Variants in ARHGAP24 observed in about 807,000 individuals in gnomAD.
ARHGAP24 encodes rho GTPase-activating protein 24.
ARHGAP24 carries 50 observed loss-of-function variants against 76.4 expected under a neutral mutation model. That is an observed-to-expected ratio of 0.65 (90% CI 0.52 to 0.83). ARHGAP24 has a LOEUF of 0.83. Ranked by LOEUF, ARHGAP24 falls within the 40% of genes least tolerant of loss-of-function variation. The pLI, the probability that ARHGAP24 is intolerant of heterozygous loss-of-function variation, is 0.00. For missense variants in ARHGAP24, 930 were observed against 914.2 expected (o/e 1.02, Z -0.22); for synonymous variants, 345 against 323.3 (o/e 1.07, Z -0.72).
intron 3 of ARHGAP24, among the ~76,000 whole-genome samples, chr4:85,781,152 A>T (rs531871972): frequency 6.6e-6 from 1 of 152,366 alleles, no homozygotes; most frequent in East Asian, 1.9e-4. Flanking sequence ...AACAATGAAT[A>T]AGGCAAGATT....
chr4:85,570,442 T>C (rs1315994376), intron 1 of ARHGAP24, 80 bp from the exon 2 acceptor site: 2 of 848,638 alleles, frequency 2.4e-6, no homozygotes, highest in South Asian at 1.8e-5. Context: ...TTTTTTTTTT[T>C]CTGGAGAAGA....
intron 6 of ARHGAP24, among the ~76,000 whole-genome samples, chr4:85,973,830 A>ATTATTTTT (rs1578452367): frequency 2.7e-5 from 1 of 36,966 alleles, no homozygotes; most frequent in African/African-American, 1.6e-4. Flanking sequence ...ACTGCTGCCT[A>ATTATTTTT]TTGTTTTTTT....
chr4:85,736,287 A>G (rs890798853), intron 3 of ARHGAP24, among the ~76,000 whole-genome samples: 4 of 152,242 alleles, frequency 2.6e-5, no homozygotes, highest in African/African-American at 7.2e-5. Flanking sequence ...CATGAGAGCT[A>G]GAACTTTGTT....
chr4:85,857,197 G>A (rs770623839), intron 3 of ARHGAP24, among the ~76,000 whole-genome samples: 1 of 152,208 alleles, frequency 6.6e-6, no homozygotes, highest in Non-Finnish European at 1.5e-5. Context: ...GATCTTCAGA[G>A]CAGGGTAATG....
intron 3 of ARHGAP24, among the ~76,000 whole-genome samples, chr4:85,812,798 C>A (rs984643216): frequency 1.3e-5 from 2 of 152,156 alleles, no homozygotes; most frequent in African/African-American, 4.8e-5. Flanking sequence ...AGGCTGGATT[C>A]TTCAAAAGAC....
At chr4:85,512,119 G>T (rs1724310414) in intron 1 of ARHGAP24, among the ~76,000 whole-genome samples, 1 of 152,166 alleles carries the variant, frequency 6.6e-6, no homozygotes, top group Non-Finnish European at 1.5e-5. Context: ...GGACTTCAAT[G>T]TATCTTTTGA....
At chr4:85,564,187 C>T (rs957140101) in intron 1 of ARHGAP24, among the ~76,000 whole-genome samples, 6 of 152,026 alleles carry the variant, frequency 3.9e-5, no homozygotes, top group Non-Finnish European at 5.9e-5. Context: ...AATATTTTGT[C>T]GTTAAAGATG....
chr4:85,989,682 A>G (rs1190827529), intron 8 of ARHGAP24, among the ~76,000 whole-genome samples: 1 of 151,708 alleles, frequency 6.6e-6, no homozygotes, highest in African/African-American at 2.4e-5. Context: ...AGGATAATAA[A>G]TCAGGACCAG....
intron 5 of ARHGAP24, among the ~76,000 whole-genome samples, chr4:85,950,356 T>C (rs1196497856): frequency 2.0e-5 from 3 of 152,020 alleles, no homozygotes; most frequent in Middle Eastern, 3.4e-3. Context: ...AAAAACTAGC[T>C]GCCTTTGGTG....
chr4:85,606,688 T>C (rs1720206911), intron 2 of ARHGAP24, among the ~76,000 whole-genome samples: 1 of 152,156 alleles, frequency 6.6e-6, no homozygotes, highest in African/African-American at 2.4e-5. Flanking sequence ...TGGGTAAGTA[T>C]GAACTAACTG....
intron 2 of ARHGAP24, among the ~76,000 whole-genome samples, chr4:85,605,268 A>C (rs1720155611): frequency 2.0e-5 from 3 of 152,214 alleles, no homozygotes; most frequent in Admixed American, 2.0e-4. Flanking sequence ...TTTTAATCAT[A>C]ATATATTGAC....
At chr4:85,618,267 T>C (rs1484068188) in intron 2 of ARHGAP24, among the ~76,000 whole-genome samples, 1 of 152,150 alleles carries the variant, frequency 6.6e-6, no homozygotes, top group African/African-American at 2.4e-5. Flanking sequence ...TCCTAGAGTA[T>C]CTCACTTAGG....
At chr4:85,653,852 A>G (rs972158215) in intron 2 of ARHGAP24, among the ~76,000 whole-genome samples, 1 of 152,188 alleles carries the variant, frequency 6.6e-6, no homozygotes, top group Non-Finnish European at 1.5e-5. Flanking sequence ...ACATGTGCCC[A>G]GTGACTAATA....
chr4:85,588,846 T>C (rs1727971216), intron 2 of ARHGAP24, among the ~76,000 whole-genome samples: 1 of 152,222 alleles, frequency 6.6e-6, no homozygotes, highest in African/African-American at 2.4e-5. Context: ...AAGACAGTTA[T>C]TGTTGAAGAC....
At chr4:85,690,072 A>T (rs891549842) in intron 2 of ARHGAP24, among the ~76,000 whole-genome samples, 9 of 151,972 alleles carry the variant, frequency 5.9e-5, no homozygotes, top group African/African-American at 2.2e-4. Flanking sequence ...TCATGAAGGG[A>T]TGTTGTATTT....
chr4:85,682,696 G>A lies in ARHGAP24; in HGVS notation c.181-39189G>A, dbSNP rs1578136938. ...TTACTGCCACTTTATGCGGTTCTTTGCACTTTGCTTGCAAAGCATATTGCA... is the reference window on the plus strand; with the variant it reads ...TTACTGCCACTTTATGCGGTTCTTTACACTTTGCTTGCAAAGCATATTGCA... On this transcript the variant is annotated intron_variant, in intron 2 of 9. Coordinates refer to ENST00000395184, the MANE Select transcript of ARHGAP24 (RefSeq NM_001025616.3). Among the ~76,000 whole-genome samples the A allele has an allele frequency of 2.0e-5, 3 of 152,158 alleles. No individual in the cohort carries two copies. The East Asian group carries it at 5.8e-4, about 29-fold the overall frequency.
At chr4:85,913,600 G>A (rs750738443) in intron 3 of ARHGAP24, among the ~76,000 whole-genome samples, 17 of 151,846 alleles carry the variant, frequency 1.1e-4, no homozygotes, top group Non-Finnish European at 2.2e-4. Flanking sequence ...GACCTCTCCC[G>A]TAAACTCCAG....
chr4:85,669,477 T>C (rs1201958654), intron 2 of ARHGAP24, among the ~76,000 whole-genome samples: 6 of 151,610 alleles, frequency 4.0e-5, no homozygotes, highest in Non-Finnish European at 7.4e-5. Flanking sequence ...TAGTGTTTGA[T>C]GGGAGGAAGC....
chr4:85,827,189 G>C (rs1729750760), intron 3 of ARHGAP24, among the ~76,000 whole-genome samples: 1 of 152,082 alleles, frequency 6.6e-6, no homozygotes, highest in Non-Finnish European at 1.5e-5. Flanking sequence ...AATTTAAATT[G>C]ATTCTGTCAG....
Sources: gnomAD v4.1 joint callset for allele counts (sites outside exome capture counted in the v4.1 genomes callset) on GRCh38, gnomAD v4.1.1 for gene constraint, MANE v1.5 for transcripts, NCBI Gene and HGNC (gene_info 2026-07-23, HGNC 2026-07-21) for gene names.